CYFIP2: variants seen among roughly 807,000 people sequenced by gnomAD.
CYFIP2 encodes cytoplasmic FMR1-interacting protein 2.
Under a neutral mutation model 158.7 loss-of-function variants are expected in CYFIP2, and 29 were observed. That is an observed-to-expected ratio of 0.18 (90% confidence interval 0.14 to 0.25). The LOEUF (loss-of-function observed/expected upper bound fraction) is 0.25. Among genes scored for constraint, CYFIP2 ranks in the 10% least tolerant of loss-of-function variants. CYFIP2 has a pLI of 1.00. For synonymous variants in CYFIP2, 585 were observed against 617.6 expected, an observed-to-expected ratio of 0.95 and a Z score of 0.78; for missense variants, 852 against 1,639.5, an observed-to-expected ratio of 0.52 and a Z score of 8.29.
intron 28 of CYFIP2, among the ~76,000 whole-genome samples, chr5:157,385,485 C>T (rs765907372): frequency 7.9e-5 from 12 of 152,078 alleles, no homozygotes; most frequent in Non-Finnish European, 8.8e-5. Context: ...TATTTAAAGC[C>T]GGGAAGCTTG....
chr5:157,309,013 A>C (rs1721989623), intron 9 of CYFIP2, among the ~76,000 whole-genome samples: 1 of 152,216 alleles, frequency 6.6e-6, no homozygotes, highest in Non-Finnish European at 1.5e-5. Flanking sequence ...CAGTGGGGTT[A>C]CATAGATGAC....
chr5:157,318,691 C>A (rs1434851754), intron 13 of CYFIP2, among the ~76,000 whole-genome samples: 2 of 152,190 alleles, frequency 1.3e-5, no homozygotes, highest in Non-Finnish European at 2.9e-5. Context: ...CACCATGGAC[C>A]CAGACACTGG....
At chr5:157,307,689 C>A in intron 8 of CYFIP2, 72 bp from the exon 9 acceptor site, 1 of 780,942 alleles carries the variant, frequency 1.3e-6, no homozygotes, top group Non-Finnish European at 2.2e-6. Flanking sequence ...CATATACAGA[C>A]CTACCTTTTT....
At chr5:157,383,754 A>G (rs1229539066) in intron 28 of CYFIP2, among the ~76,000 whole-genome samples, 1 of 152,246 alleles carries the variant, frequency 6.6e-6, no homozygotes, top group African/African-American at 2.4e-5. Flanking sequence ...ATGCTTATGT[A>G]ACATTGTTTG....
At chr5:157,289,712 A>G (rs1012176855) in intron 3 of CYFIP2, among the ~76,000 whole-genome samples, 1 of 152,230 alleles carries the variant, frequency 6.6e-6, no homozygotes, top group Non-Finnish European at 1.5e-5. Context: ...CCCCGTCTCC[A>G]AATACAGTCA....
Position 157,295,315 on chromosome 5 carries a change from C to A in CYFIP2, c.285+455C>A, listed in dbSNP as rs187760453. On this transcript the variant is annotated intron_variant, in intron 4 of 30. Transcript: ENST00000620254. ...ATTATTTTGTGTTTATATTGTTCTG[C>A]CACTTGCTTTTTTCCCCACTTAATT... Among the ~76,000 whole-genome samples the A allele has an allele frequency of 5.6e-4, 86 of 152,312 alleles. 1 individual carries two copies. The highest frequency in any genetic ancestry group is 1.9e-4 in the Non-Finnish European group (13 of 68,038).
chr5:157,309,825 A>C lies in CYFIP2; in HGVS notation c.983A>C (p.Asn328Thr). Residue 328 changes from asparagine to threonine, a missense_variant, in exon 10 of 31, where the codon AAC becomes ACC. Physicochemically the swap from Asn to Thr is moderately conservative, Grantham distance 65. Around this residue, in one of 8 missense-constraint regions of CYFIP2, gnomAD observed 133 missense variants for 197.1 expected, o/e 0.67. Coordinates refer to ENST00000620254, the MANE Select transcript of CYFIP2 (RefSeq NM_001037333.3). ...YIKTSAHYEE[N>T]KSKWTCTQSS... The stretch of plus-strand genomic sequence containing the variant: ...AAGACCAGTGCTCACTATGAAGAGA[A>C]CAAGTCCAAGTGAGTGCCTGCCGTA... 6.3e-7 allele frequency: 1 copy of C among 1,596,118 alleles called. No homozygotes were observed. The highest frequency in any genetic ancestry group is 1.3e-5 in the African/African-American group (1 of 74,734).
chr5:157,389,913 G>A (rs747260156), intron 29 of CYFIP2, among the ~76,000 whole-genome samples: 5 of 152,166 alleles, frequency 3.3e-5, no homozygotes, highest in Non-Finnish European at 5.9e-5. Flanking sequence ...CCCGGGTTGG[G>A]GCTGCTGCTT....
chr5:157,377,241 T>TA (rs1264171777), intron 26 of CYFIP2, among the ~76,000 whole-genome samples: 6 of 152,040 alleles, frequency 3.9e-5, no homozygotes, highest in Admixed American at 2.0e-4. Flanking sequence ...AAGAGAGGCT[T>TA]AGAAGATTCT....
intron 28 of CYFIP2, chr5:157,384,414 T>G (rs747618730): frequency 2.4e-5 from 11 of 456,644 alleles, no homozygotes; most frequent in African/African-American, 4.0e-5. Flanking sequence ...AGATTTAGGA[T>G]TGAAATCTGC....
intron 22 of CYFIP2, among the ~76,000 whole-genome samples, chr5:157,340,094 C>T (rs1340383769): frequency 6.6e-6 from 1 of 152,266 alleles, no homozygotes; most frequent in African/African-American, 2.4e-5. Context: ...GAACTTGCCT[C>T]CTGCAAGGTG....
chr5:157,361,730 TC>T lies in CYFIP2; in HGVS notation c.3039+134del. On this transcript the variant is annotated intron_variant, in intron 26 of 30. Coordinates refer to ENST00000620254, the MANE Select transcript of CYFIP2 (RefSeq NM_001037333.3). This position sits in a 1 kb window ranked among gnomAD's most constrained non-coding sequence, Gnocchi z 4.4. ...GCTCACATGCTCTTTTCAGTTCATT[TC>T]CAGACAGACATGGATTCTAGTCCTG... The T allele has an allele frequency of 8.6e-7, 1 of 1,167,020 alleles. No homozygotes were observed. Among genetic ancestry groups the T allele is most frequent in the Non-Finnish European group, 1.2e-6 (1 of 838,948 alleles). 72.3% of individuals were successfully genotyped at this position (1,167,020 alleles called of 1,614,324 possible). A position where few individuals can be genotyped will look rare whatever the true frequency, so the allele number is the denominator to read the frequency against.
intron 3 of CYFIP2, among the ~76,000 whole-genome samples, chr5:157,292,542 C>G (rs1757910534): frequency 6.6e-6 from 1 of 152,150 alleles, no homozygotes; most frequent in Admixed American, 6.5e-5. Context: ...CAAAGTTCAT[C>G]CATGTGGTAG....
intron 7 of CYFIP2, 27 bp downstream of exon 7, chr5:157,302,917 G>C (rs1456302370): frequency 1.3e-6 from 2 of 1,543,490 alleles, no homozygotes; most frequent in Admixed American, 4.0e-5. Context: ...TGTTAGGCCT[G>C]GCCTGATGTC....
intron 23 of CYFIP2, chr5:157,342,126 C>CTAAGTGATTATTT (rs1762313990): frequency 1.3e-5 from 2 of 152,702 alleles, no homozygotes; most frequent in East Asian, 3.9e-4. Flanking sequence ...CACTGGCAGG[C>CTAAGTGATTATTT]AATAGAAGCT....
chr5:157,323,026 C>G (rs558734314), intron 15 of CYFIP2: 1 of 1,536,006 alleles, frequency 6.5e-7, no homozygotes. Context: ...GGTATCACAC[C>G]GCCTGGCTGG....
At chr5:157,378,055 CTT>C (rs1765661748) in intron 26 of CYFIP2, among the ~76,000 whole-genome samples, 2 of 152,164 alleles carry the variant, frequency 1.3e-5, no homozygotes, top group African/African-American at 4.8e-5. Context: ...GAAGGTAAAA[CTT>C]AAATGGGGCT....
chr5:157,320,524 C>A, intron 14 of CYFIP2, 131 bp from the exon 15 acceptor site: 1 of 1,196,172 alleles, frequency 8.4e-7, no homozygotes, highest in Non-Finnish European at 1.2e-6. Context: ...CAGAAATGAG[C>A]ATGCTTTACA....
At chr5:157,277,702 T>A (rs983184867) in intron 1 of CYFIP2, among the ~76,000 whole-genome samples, 5 of 152,220 alleles carry the variant, frequency 3.3e-5, no homozygotes, top group African/African-American at 1.2e-4. Context: ...TGGAGCTCAG[T>A]ATTTCATGAG....
Sources: gnomAD v4.1 joint callset for allele counts (sites outside exome capture counted in the v4.1 genomes callset) on GRCh38, gnomAD v4.1.1 for gene constraint, gnomAD v4.1.1 regional missense constraint, Gnocchi (gnomAD v3.1) non-coding constraint, MANE v1.5 for transcripts, NCBI Gene and HGNC (gene_info 2026-07-23, HGNC 2026-07-21) for gene names.